KANK1: variants seen among roughly 807,000 people sequenced by gnomAD.
KANK1 encodes KN motif and ankyrin repeat domain-containing protein 1.
A neutral mutation model predicts 106.2 loss-of-function variants in KANK1; 109 were observed. The observed-to-expected ratio is 1.03, with a 90% confidence interval of 0.88 to 1.20. The LOEUF (loss-of-function observed/expected upper bound fraction) is 1.20. Ranked by LOEUF, KANK1 falls within the 50% of genes most tolerant of loss-of-function variation. The probability of loss-of-function intolerance (pLI) is 0.00; values close to 1 mark genes in which losing one functional copy is unlikely to be tolerated. For synonymous variants in KANK1, 873 were observed against 652.2 expected, an observed-to-expected ratio of 1.34 and a Z score of -5.16; for missense variants, 2,399 against 1,710.7, an observed-to-expected ratio of 1.40 and a Z score of -7.10.
At chr9:585,467 G>A (rs1287387982) in intron 1 of KANK1, among the ~76,000 whole-genome samples, 1 of 152,096 alleles carries the variant, frequency 6.6e-6, no homozygotes, top group South Asian at 2.1e-4. Flanking sequence ...TAAAAATGAT[G>A]GAATTAATAA....
At chr9:736,057 G>T (rs1054133954) in intron 7 of KANK1, among the ~76,000 whole-genome samples, 2 of 152,020 alleles carry the variant, frequency 1.3e-5, no homozygotes, top group Non-Finnish European at 2.9e-5. Context: ...TCCCGGGTTC[G>T]GGCCATTCTC....
chr9:506,745 A>C (rs1286188766), intron 1 of KANK1, among the ~76,000 whole-genome samples: 1 of 152,194 alleles, frequency 6.6e-6, no homozygotes. Flanking sequence ...TAATGTGTGC[A>C]TACATTAACT....
At chr9:531,850 G>C (rs1176473669) in intron 1 of KANK1, among the ~76,000 whole-genome samples, 1 of 152,224 alleles carries the variant, frequency 6.6e-6, no homozygotes, top group Non-Finnish European at 1.5e-5. Flanking sequence ...GCTTCTGTGT[G>C]TGTGTGTTGT....
intron 1 of KANK1, among the ~76,000 whole-genome samples, chr9:620,250 T>C (rs1307329641): frequency 6.6e-6 from 1 of 152,138 alleles, no homozygotes; most frequent in Non-Finnish European, 1.5e-5. Flanking sequence ...CCTCTATTAC[T>C]CAGTGTCATT....
intron 2 of KANK1, among the ~76,000 whole-genome samples, chr9:689,926 G>C (rs1281657803): frequency 6.6e-6 from 1 of 151,978 alleles, no homozygotes; most frequent in Non-Finnish European, 1.5e-5. Flanking sequence ...GAAAGGGTGG[G>C]AGGAATGTGA....
chr9:739,881 C>T (rs1834918861), intron 8 of KANK1, among the ~76,000 whole-genome samples: 1 of 151,782 alleles, frequency 6.6e-6, no homozygotes, highest in African/African-American at 2.4e-5. Context: ...GCTAAGGAGC[C>T]CCGAAGCGCA....
intron 1 of KANK1, among the ~76,000 whole-genome samples, chr9:509,006 TCTACC>T (rs1486963639): frequency 1.3e-5 from 2 of 152,228 alleles, no homozygotes; most frequent in Non-Finnish European, 2.9e-5. Flanking sequence ...AGTTTATACT[TCTACC>T]CGTAGTGTGA....
chr9:545,009 C>T (rs1037644504), intron 1 of KANK1, among the ~76,000 whole-genome samples: 2 of 152,108 alleles, frequency 1.3e-5, no homozygotes, highest in Non-Finnish European at 2.9e-5. Context: ...CAGTGAGAGA[C>T]ACTGTAGCCT....
At chr9:611,432 T>C (rs887677413) in intron 1 of KANK1, among the ~76,000 whole-genome samples, 3 of 152,198 alleles carry the variant, frequency 2.0e-5, no homozygotes, top group African/African-American at 7.2e-5. Context: ...GAACTTGGAA[T>C]AAAAACCTTA....
chr9:500,293 T>A (rs2058527936), upstream of KANK1, among the ~76,000 whole-genome samples: 1 of 152,204 alleles, frequency 6.6e-6, no homozygotes, highest in African/African-American at 2.4e-5. Flanking sequence ...AAGTGACATG[T>A]CAGCTATGGA....
intron 3 of KANK1, among the ~76,000 whole-genome samples, chr9:715,298 TGC>T (rs1405589746): frequency 6.6e-6 from 1 of 152,218 alleles, no homozygotes. Context: ...ATGCCATGTC[TGC>T]TTTGACATCC....
chr9:571,355 C>T (rs181130202), intron 1 of KANK1, among the ~76,000 whole-genome samples: 1 of 152,308 alleles, frequency 6.6e-6, no homozygotes, highest in Admixed American at 6.5e-5. Context: ...GTTCCTTTGG[C>T]AACACGTGTT....
chr9:651,698 A>T (rs976103317), intron 1 of KANK1, among the ~76,000 whole-genome samples: 2 of 152,340 alleles, frequency 1.3e-5, no homozygotes, highest in East Asian at 3.9e-4. Context: ...ATCAGGCTCC[A>T]TATAATGTAG....
intron 1 of KANK1, among the ~76,000 whole-genome samples, chr9:543,475 C>G (rs1038355385): frequency 1.3e-5 from 2 of 150,962 alleles, no homozygotes; most frequent in Non-Finnish European, 2.9e-5. Context: ...AGGAGAATTG[C>G]TTGAACCCAG....
At chr9:581,289 C>CT (rs1279783800) in intron 1 of KANK1, among the ~76,000 whole-genome samples, 9 of 152,338 alleles carry the variant, frequency 5.9e-5, no homozygotes, top group Admixed American at 2.6e-4. Flanking sequence ...CAGGCAAGGG[C>CT]TGACAGCACG....
intron 1 of KANK1, among the ~76,000 whole-genome samples, chr9:585,925 G>A (rs1823350324): frequency 6.6e-6 from 1 of 152,162 alleles, no homozygotes; most frequent in Non-Finnish European, 1.5e-5. Context: ...GAGTTTATAT[G>A]TGATGGAAGA....
chr9:723,330 T>C (rs1179098725), intron 3 of KANK1, among the ~76,000 whole-genome samples: 2 of 152,196 alleles, frequency 1.3e-5, no homozygotes, highest in African/African-American at 4.8e-5. Context: ...CTGGTATTCC[T>C]GGGTGACACT....
intron 3 of KANK1, among the ~76,000 whole-genome samples, chr9:721,161 A>T (rs35888223): frequency 9.9e-4 from 151 of 152,174 alleles, no homozygotes; most frequent in Non-Finnish European, 1.7e-3. Context: ...TTTAGAGCCA[A>T]TGGAAGCCCC....
intron 1 of KANK1, among the ~76,000 whole-genome samples, chr9:568,942 C>T (rs1200619086): frequency 1.3e-5 from 2 of 152,172 alleles, no homozygotes; most frequent in Admixed American, 1.3e-4. Flanking sequence ...TTTCCACACT[C>T]ATCGGGGTAT....
Sources: gnomAD v4.1 joint callset for allele counts (sites outside exome capture counted in the v4.1 genomes callset) on GRCh38, gnomAD v4.1.1 for gene constraint, MANE v1.5 for transcripts, NCBI Gene and HGNC (gene_info 2026-07-23, HGNC 2026-07-21) for gene names.